Variants in FAF1 observed in about 807,000 individuals in gnomAD.
FAF1 encodes the protein FAS-associated factor 1.
In FAF1, 25 loss-of-function variants were observed where a neutral mutation model predicts 92.5. The ratio of observed to expected loss-of-function variants is 0.27; its 90% CI spans 0.20 to 0.38. The LOEUF is 0.38. Ranked by LOEUF, FAF1 falls within the 10% of genes least tolerant of loss-of-function variation. The probability of loss-of-function intolerance (pLI) is 1.00; values close to 1 mark genes in which losing one functional copy is unlikely to be tolerated. For missense variants in FAF1, 636 were observed against 793.3 expected (o/e 0.80, Z 2.38); for synonymous variants, 234 against 273.2 (o/e 0.86, Z 1.42).
chr1:50,488,469 A>G (rs570335992), intron 17 of FAF1, among the ~76,000 whole-genome samples: 1 of 152,278 alleles, frequency 6.6e-6, no homozygotes, highest in Admixed American at 6.5e-5. Context: ...ACACTAATAC[A>G]CACACAAACA....
chr1:50,920,035 C>T (rs1644950540), intron 1 of FAF1, among the ~76,000 whole-genome samples: 1 of 152,090 alleles, frequency 6.6e-6, no homozygotes. Context: ...GGCAGTGGCT[C>T]ACACCTGTAA....
chr1:50,451,493 G>A (rs970067212), intron 18 of FAF1, among the ~76,000 whole-genome samples: 3 of 152,168 alleles, frequency 2.0e-5, no homozygotes, highest in African/African-American at 7.2e-5. Flanking sequence ...GCAGAGCAAG[G>A]ATTTAAAACT....
intron 2 of FAF1, among the ~76,000 whole-genome samples, chr1:50,818,433 G>A (rs75796439): frequency 0.045 from 6,880 of 152,192 alleles, 187 homozygotes; most frequent in East Asian, 0.072. Flanking sequence ...GTCTACCAAA[G>A]ACCAGTATAC....
intron 15 of FAF1, among the ~76,000 whole-genome samples, chr1:50,500,990 C>T (rs1646977349): frequency 6.6e-6 from 1 of 152,182 alleles, no homozygotes; most frequent in African/African-American, 2.4e-5. Flanking sequence ...ACAATAAAAT[C>T]TCTGTATATT....
intron 15 of FAF1, among the ~76,000 whole-genome samples, chr1:50,505,252 A>G (rs1647045275): frequency 6.6e-6 from 1 of 152,190 alleles, no homozygotes; most frequent in African/African-American, 2.4e-5. Context: ...GCTTTTGAAC[A>G]GACACCTCAC....
intron 4 of FAF1, among the ~76,000 whole-genome samples, chr1:50,783,102 G>A (rs1661238456): frequency 6.6e-6 from 1 of 151,848 alleles, no homozygotes; most frequent in Non-Finnish European, 1.5e-5. Flanking sequence ...CAACAAATTA[G>A]ATAACATAGA....
chr1:50,679,749 C>T (rs116156264), intron 7 of FAF1, among the ~76,000 whole-genome samples: 1 of 152,142 alleles, frequency 6.6e-6, no homozygotes, highest in African/African-American at 2.4e-5. Flanking sequence ...ATATTGGTAA[C>T]TGCTATTTAT....
At chr1:50,779,003 A>C (rs1356600712) in intron 4 of FAF1, among the ~76,000 whole-genome samples, 7 of 152,202 alleles carry the variant, frequency 4.6e-5, no homozygotes, top group African/African-American at 1.4e-4. Flanking sequence ...CTGTTTTATC[A>C]ATTAAGTTTA....
At chr1:50,715,190 G>C (rs896775680) in intron 6 of FAF1, among the ~76,000 whole-genome samples, 1 of 152,272 alleles carries the variant, frequency 6.6e-6, no homozygotes, top group African/African-American at 2.4e-5. Context: ...AGTGTTATTT[G>C]CAACAAAATA....
At chr1:50,452,434 T>G (rs890044495) in intron 18 of FAF1, among the ~76,000 whole-genome samples, 1 of 152,192 alleles carries the variant, frequency 6.6e-6, no homozygotes, top group Non-Finnish European at 1.5e-5. Context: ...GGGTTGCTTC[T>G]GACTCTGAGC....
At chr1:50,682,043 A>G (rs960709974) in intron 7 of FAF1, among the ~76,000 whole-genome samples, 3 of 147,036 alleles carry the variant, frequency 2.0e-5, no homozygotes, top group Non-Finnish European at 3.0e-5. Flanking sequence ...CTATGTTGCT[A>G]AGGCTGGTCA....
rs112287615 is a variant in FAF1 at position 50,850,127 on chromosome 1, GAA to G, written c.114+7800_114+7801del. 3.5e-3 allele frequency among the ~76,000 whole-genome samples: 414 copies of G among 117,840 alleles called. 4 individuals carry two copies. The highest frequency in any genetic ancestry group is 0.012 in the African/African-American group (392 of 31,852). The allele number at this position is 117,840 out of a possible 152,430, so 77.3% of individuals were successfully genotyped here. A position where few individuals can be genotyped will look rare whatever the true frequency, so the allele number is the denominator to read the frequency against. On this transcript the variant is annotated intron_variant, in intron 2 of 18. Transcript: ENST00000396153. ...TAGTTCCTGAAGGGTTAGGAGCTAC[GAA>G]AAAAAAAAAAAAATTGAATGGTCAA...
intron 6 of FAF1, among the ~76,000 whole-genome samples, chr1:50,737,496 A>T (rs973701126): frequency 6.6e-6 from 1 of 152,214 alleles, no homozygotes; most frequent in African/African-American, 2.4e-5. Flanking sequence ...CCATACCTAT[A>T]ACTATTTAAC....
chr1:50,746,275 TATATATATATATA>T (rs1659600285), intron 4 of FAF1, among the ~76,000 whole-genome samples: 2 of 18,530 alleles, frequency 1.1e-4, no homozygotes, highest in African/African-American at 5.0e-4. Context: ...TATATATATA[TATATATATATATA>T]TATATTTTTT....
chr1:50,936,205 T>C (rs1645083631), intron 1 of FAF1, among the ~76,000 whole-genome samples: 2 of 152,168 alleles, frequency 1.3e-5, no homozygotes. Context: ...ACAAGTAACA[T>C]ATACTTCCTG....
intron 7 of FAF1, among the ~76,000 whole-genome samples, chr1:50,698,838 G>A (rs1657342672): frequency 6.6e-6 from 1 of 151,850 alleles, no homozygotes; most frequent in Non-Finnish European, 1.5e-5. Context: ...CTTAAATGAA[G>A]TCTTTAAGAA....
intron 1 of FAF1, among the ~76,000 whole-genome samples, chr1:50,940,274 A>G (rs952494791): frequency 8.5e-5 from 13 of 152,224 alleles, no homozygotes; most frequent in Non-Finnish European, 2.9e-5. Context: ...AAGTTATTTC[A>G]TATCATCAAA....
At chr1:50,688,027 C>T (rs1332671244) in intron 7 of FAF1, among the ~76,000 whole-genome samples, 9 of 150,600 alleles carry the variant, frequency 6.0e-5, no homozygotes, top group African/African-American at 9.8e-5. Flanking sequence ...CCCAGCTACT[C>T]GGGAGGCTGA....
intron 7 of FAF1, among the ~76,000 whole-genome samples, chr1:50,698,219 G>C (rs1569789827): frequency 6.6e-6 from 1 of 152,074 alleles, no homozygotes; most frequent in East Asian, 1.9e-4. Flanking sequence ...TCTTATCTTA[G>C]GACTAGAAGA....
Sources: gnomAD v4.1 joint callset for allele counts (sites outside exome capture counted in the v4.1 genomes callset) on GRCh38, gnomAD v4.1.1 for gene constraint, MANE v1.5 for transcripts, NCBI Gene and HGNC (gene_info 2026-07-23, HGNC 2026-07-21) for gene names.